Variants in C21orf91 observed in about 807,000 individuals in gnomAD.
C21orf91 encodes chromosome 21 open reading frame 91, also known as protein EURL homolog.
A neutral mutation model predicts 32.9 loss-of-function variants in C21orf91; 26 were observed. The observed-to-expected ratio is 0.79, with a 90% CI of 0.58 to 1.10. C21orf91 has a LOEUF of 1.10. Among genes scored for constraint, C21orf91 ranks in the 50% least tolerant of loss-of-function variants. C21orf91 has a pLI of 0.00. For synonymous variants in C21orf91, 126 were observed against 120.4 expected (o/e 1.05, Z -0.31); for missense variants, 310 against 341.3 (o/e 0.91, Z 0.72).
At chr21:17,818,115 T>C (rs1885170220) in intron 2 of C21orf91, 77 bp downstream of exon 2, 1 of 974,000 alleles carries the variant, frequency 1.0e-6, no homozygotes, top group South Asian at 1.7e-5. Flanking sequence ...GAAGACATTT[T>C]AGTTTTACCT....
At chr21:17,818,001 ATT>A (rs969943562) in intron 2 of C21orf91, 189 bp downstream of exon 2, 9 of 404,946 alleles carry the variant, frequency 2.2e-5, no homozygotes, top group African/African-American at 1.4e-4. Context: ...AAAAAAAAAG[ATT>A]TCTCTTAAAT....
rs2062464941 is a variant in C21orf91, at chr21:17,790,499, C to T, written c.*2916G>A. ...TTGACTATATTTCTGAAATCACTAA[C>T]ATGAACTTGACATTGAAAAAATAAT... On this transcript the variant is annotated 3_prime_UTR_variant, in exon 5 of 5. Coordinates refer to ENST00000284881, the MANE Select transcript of C21orf91 (RefSeq NM_001100420.2). 6.6e-6 allele frequency: 1 copy of T among 152,056 alleles called. No homozygotes were observed. The highest frequency in any genetic ancestry group is 1.5e-5 in the Non-Finnish European group (1 of 67,934). The allele number at this position is 152,056 out of a possible 1,614,324, so 9.4% of individuals were successfully genotyped here. A position where few individuals can be genotyped will look rare whatever the true frequency, so the allele number is the denominator to read the frequency against.
chr21:17,818,681 C>A (rs575947632), intron 1 of C21orf91, among the ~76,000 whole-genome samples: 4 of 152,274 alleles, frequency 2.6e-5, no homozygotes, highest in African/African-American at 9.6e-5. Context: ...GCCTTTTCAG[C>A]TACCAGGTTC....
At chr21:17,796,525 C>G in intron 3 of C21orf91, 57 bp downstream of exon 3, 1 of 1,342,152 alleles carries the variant, frequency 7.5e-7, no homozygotes, top group Non-Finnish European at 1.0e-6. Flanking sequence ...CACATCTATA[C>G]AAATGTACAA....
intron 2 of C21orf91, among the ~76,000 whole-genome samples, chr21:17,804,401 TAA>T (rs768573031): frequency 5.9e-5 from 9 of 152,198 alleles, no homozygotes; most frequent in Admixed American, 3.3e-4. Flanking sequence ...AGTACTGTGA[TAA>T]AGAGTACCTC....
rs529200844 is a variant in C21orf91, at chr21:17,807,354, G to C, written c.128-10236C>G. ...TCCCCCTTCACCTTCTGTCATGATTGTAAGTTTTCTGAGGCCTCCCCAGCT... is the reference window on the plus strand; with the variant it reads ...TCCCCCTTCACCTTCTGTCATGATTCTAAGTTTTCTGAGGCCTCCCCAGCT... On this transcript the variant is annotated intron_variant, in intron 2 of 4. Transcript: ENST00000284881. Among the ~76,000 whole-genome samples the C allele has an allele frequency of 9.9e-5, 15 of 152,246 alleles. No homozygotes were observed. The South Asian group carries it at 2.1e-3, about 21-fold the overall frequency.
chr21:17,795,665 G>A (rs1401048608), intron 3 of C21orf91, among the ~76,000 whole-genome samples: 1 of 152,042 alleles, frequency 6.6e-6, no homozygotes, highest in Non-Finnish European at 1.5e-5. Flanking sequence ...TAGAGATGGG[G>A]TCTCCCTGTG....
rs2146238183 is a variant in C21orf91 at position 17,789,146 on chromosome 21, CA to C, written c.*4268del. The C allele has an allele frequency of 1.3e-5, 2 of 150,218 alleles. No homozygotes were observed. Among genetic ancestry groups the C allele is most frequent in the South Asian group, 4.2e-4 (2 of 4,784 alleles). 9.3% of individuals were successfully genotyped at this position (150,218 alleles called of 1,614,324 possible). ...AACTTGGTTTTTACCACAGCAGTTTCATTTTCTTTTTCCAAAAGTCTTAACA... is the reference window on the plus strand; with the variant it reads ...AACTTGGTTTTTACCACAGCAGTTTCTTTTCTTTTTCCAAAAGTCTTAACA... On this transcript the variant is annotated 3_prime_UTR_variant, in exon 5 of 5. Coordinates refer to ENST00000284881, the MANE Select transcript of C21orf91 (RefSeq NM_001100420.2).
rs1380969674 is a variant in C21orf91, at chr21:17,791,493, A to C, written c.*1922T>G. 6.6e-6 allele frequency: 1 copy of C among 152,198 alleles called. No homozygotes were observed. The highest frequency in any genetic ancestry group is 2.4e-5 in the African/African-American group (1 of 41,470). 9.4% of individuals were successfully genotyped at this position (152,198 alleles called of 1,614,324 possible). A position where few individuals can be genotyped will look rare whatever the true frequency, so the allele number is the denominator to read the frequency against. On this transcript the variant is annotated 3_prime_UTR_variant, in exon 5 of 5. Coordinates refer to ENST00000284881, the MANE Select transcript of C21orf91 (RefSeq NM_001100420.2). ...ATTCTGGAAATATGCTACTATTGAT[A>C]TCAAATGCAACATATCCCCAACTTT...
rs2062469223 is a variant in C21orf91, at chr21:17,790,984, G to A, written c.*2431C>T. ...TTTTAAACAGTAGTACATGAGATAT[G>A]CTTCAAAACATTCTCAAAAATTACT... On this transcript the variant is annotated 3_prime_UTR_variant, in exon 5 of 5. Transcript: ENST00000284881. 1 of 152,060 alleles carries A rather than the reference G, an allele frequency of 6.6e-6. No individual in the cohort carries two copies. Among genetic ancestry groups the A allele is most frequent in the African/African-American group, 2.4e-5 (1 of 41,422 alleles). The allele number at this position is 152,060 out of a possible 1,614,324, so 9.4% of individuals were successfully genotyped here. A position where few individuals can be genotyped will look rare whatever the true frequency, so the allele number is the denominator to read the frequency against.
chr21:17,818,312 C>G lies in C21orf91; in HGVS notation c.7G>C (p.Glu3Gln). Residue 3 changes from glutamate to glutamine, a missense_variant, in exon 2 of 5, where the codon GAA becomes CAA. Transcript: ENST00000284881. MN[E>Q]EEQFVNIDLN... is the part of the protein sequence containing the mutation. Reference sequence around the variant, plus strand: ...TCAATGTTTACAAACTGCTCCTCTTCGTTCATAGTGCCCCTATTAAGAAAC... The same window carrying G: ...TCAATGTTTACAAACTGCTCCTCTTGGTTCATAGTGCCCCTATTAAGAAAC... The G allele has an allele frequency of 6.2e-7, 1 of 1,610,632 alleles. No individual in the cohort carries two copies. Among genetic ancestry groups the G allele is most frequent in the Non-Finnish European group, 8.5e-7 (1 of 1,178,168 alleles).
At chr21:17,804,119 G>A (rs1273974210) in intron 2 of C21orf91, among the ~76,000 whole-genome samples, 1 of 152,156 alleles carries the variant, frequency 6.6e-6, no homozygotes, top group African/African-American at 2.4e-5. Context: ...CCCCAGTGAT[G>A]ATTTTGTGCT....
chr21:17,817,558 C>T (rs1003367838), intron 2 of C21orf91, among the ~76,000 whole-genome samples: 7 of 151,928 alleles, frequency 4.6e-5, no homozygotes, highest in African/African-American at 1.7e-4. Flanking sequence ...AATATGACAA[C>T]ACTAACTGCA....
In C21orf91 at chr21:17,789,788, T is replaced by C. The variant is rs527796159; in HGVS notation, c.*3627A>G. ...CCTTTATTTTGTGTGAGGGCTCTAG[T>C]ATTCTGGTAAATAAACTCTTCCCTG... On this transcript the variant is annotated 3_prime_UTR_variant, in exon 5 of 5. Coordinates refer to ENST00000284881, the MANE Select transcript of C21orf91 (RefSeq NM_001100420.2). The C allele has an allele frequency of 6.6e-6, 1 of 152,272 alleles. No homozygotes were observed. The highest frequency in any genetic ancestry group is 6.5e-5 in the Admixed American group (1 of 15,294). 9.4% of individuals were successfully genotyped at this position (152,272 alleles called of 1,614,324 possible).
chr21:17,807,271 TG>T (rs1490363012), intron 2 of C21orf91, among the ~76,000 whole-genome samples: 1 of 152,150 alleles, frequency 6.6e-6, no homozygotes, highest in Non-Finnish European at 1.5e-5. Flanking sequence ...TCACAAAATC[TG>T]GTTGTTTAAA....
At chr21:17,812,568 G>A (rs1248234628) in intron 2 of C21orf91, among the ~76,000 whole-genome samples, 3 of 152,164 alleles carry the variant, frequency 2.0e-5, no homozygotes, top group African/African-American at 7.2e-5. Flanking sequence ...CCAGCACTTC[G>A]GGAGGCCGAG....
In C21orf91 at chr21:17,793,393, A is replaced by G. The variant is rs775162936; in HGVS notation, c.*22T>C. 2 of 1,539,098 alleles carry G rather than the reference A, an allele frequency of 1.3e-6. No homozygotes were observed. Among genetic ancestry groups the G allele is most frequent in the Non-Finnish European group, 1.8e-6 (2 of 1,133,750 alleles). ...CTGGGAGACCAATAAAGGGCAGGGC[A>G]TACGAAGTAAGTCTGTTTAGGTCAG... is the stretch of plus-strand genomic sequence containing the variant. On this transcript the variant is annotated 3_prime_UTR_variant, in exon 5 of 5. Transcript: ENST00000284881.
chr21:17,804,317 G>A lies in C21orf91; in HGVS notation c.128-7199C>T, dbSNP rs151110344. 1.1e-3 allele frequency among the ~76,000 whole-genome samples: 173 copies of A among 152,338 alleles called. 2 individuals carry two copies. The highest frequency in any genetic ancestry group is 4.0e-3 in the African/African-American group (165 of 41,564). ...GTGGGAAGGCAAGGATGAATAGTTG[G>A]AGTATCTACTTCCCACAAAAGGACA... On this transcript the variant is annotated intron_variant, in intron 2 of 4. Transcript: ENST00000284881.
chr21:17,816,710 A>G (rs957822566), intron 2 of C21orf91, among the ~76,000 whole-genome samples: 16 of 152,358 alleles, frequency 1.1e-4, no homozygotes, highest in Middle Eastern at 3.4e-3. Flanking sequence ...GATAATCCAC[A>G]TAAGGGGTTT....
Sources: gnomAD v4.1 joint callset for allele counts (sites outside exome capture counted in the v4.1 genomes callset) on GRCh38, gnomAD v4.1.1 for gene constraint, MANE v1.5 for transcripts, NCBI Gene and HGNC (gene_info 2026-07-23, HGNC 2026-07-21) for gene names.